Variants in CKAP5 observed in about 807,000 individuals in gnomAD.
The protein encoded by CKAP5 is cytoskeleton associated protein 5.
In CKAP5, 27 loss-of-function variants were observed where a neutral mutation model predicts 232.8. The observed-to-expected ratio is 0.12, with a 90% CI of 0.09 to 0.16. The LOEUF (loss-of-function observed/expected upper bound fraction) is 0.16, where lower values mean the gene tolerates loss of function less well. Among genes scored for constraint, CKAP5 ranks in the 10% least tolerant of loss-of-function variants. The pLI is 1.00. For missense variants in CKAP5, 1,838 were observed against 2,424.7 expected (o/e 0.76, Z 5.08); for synonymous variants, 785 against 841.1 (o/e 0.93, Z 1.16).
intron 24 of CKAP5, among the ~76,000 whole-genome samples, chr11:46,773,415 A>G (rs974965295): frequency 2.0e-5 from 3 of 151,236 alleles, no homozygotes; most frequent in Non-Finnish European, 4.4e-5. Context: ...TGCCCAGCTA[A>G]TTTTTCTATT....
chr11:46,832,534 C>G (rs1939815475), intron 1 of CKAP5, among the ~76,000 whole-genome samples: 1 of 152,136 alleles, frequency 6.6e-6, no homozygotes, highest in Non-Finnish European at 1.5e-5. Context: ...ACCAGCTGAT[C>G]CTCAGTTTTA....
intron 9 of CKAP5, 69 bp from the exon 10 acceptor site, chr11:46,798,241 C>G (rs1938926265): frequency 2.7e-6 from 3 of 1,094,490 alleles, no homozygotes. Flanking sequence ...TATCCTAGAA[C>G]ATGGCTGAAC....
chr11:46,788,762 T>C lies in CKAP5; in HGVS notation c.1887A>G (p.Leu629=). ...GGCATGGCATTTCAGTTCGGTCCAT[T>C]AGCTCAACAGCCTTGAAGTAAAATA... ...CMEEFQKAVE[L]MDRTEMPCQA... is the part of the protein sequence containing the mutation. Residue 629 remains leucine (L), a synonymous_variant, in exon 16 of 44, where the codon CTA becomes CTG. Coordinates refer to ENST00000529230, the MANE Select transcript of CKAP5 (RefSeq NM_001008938.4). The C allele has an allele frequency of 5.0e-6, 8 of 1,605,896 alleles. No individual in the cohort carries two copies. The highest frequency in any genetic ancestry group is 6.8e-6 in the Non-Finnish European group (8 of 1,176,196).
At chr11:46,843,482 G>C (rs930272262) in intron 1 of CKAP5, among the ~76,000 whole-genome samples, 4 of 152,030 alleles carry the variant, frequency 2.6e-5, no homozygotes, top group African/African-American at 9.7e-5. Context: ...TGTAATCCCA[G>C]CATTTTGGGA....
chr11:46,786,147 C>T (rs2065390732), intron 16 of CKAP5, among the ~76,000 whole-genome samples: 1 of 152,166 alleles, frequency 6.6e-6, no homozygotes, highest in Admixed American at 6.5e-5. Context: ...TCCAAATCAA[C>T]TTATCTCACA....
intron 1 of CKAP5, among the ~76,000 whole-genome samples, chr11:46,827,520 C>T (rs1355432407): frequency 1.3e-5 from 2 of 152,070 alleles, no homozygotes; most frequent in South Asian, 4.1e-4. Context: ...CCAGCTACTC[C>T]GGAGGCTGAG....
intron 20 of CKAP5, among the ~76,000 whole-genome samples, chr11:46,778,868 A>T (rs1198271250): frequency 2.0e-5 from 3 of 152,168 alleles, no homozygotes; most frequent in Admixed American, 6.5e-5. Context: ...TGAGGTCAGG[A>T]GTTCAAGACC....
At chr11:46,755,306 C>T (rs1016266389) in intron 35 of CKAP5, among the ~76,000 whole-genome samples, 7 of 152,060 alleles carry the variant, frequency 4.6e-5, no homozygotes, top group South Asian at 2.1e-4. Flanking sequence ...CTCCACCTTC[C>T]GGTTTCAAGT....
At chr11:46,805,106 G>A (rs535081111) in intron 8 of CKAP5, among the ~76,000 whole-genome samples, 12 of 151,522 alleles carry the variant, frequency 7.9e-5, no homozygotes, top group East Asian at 3.9e-4. Context: ...ATGGTGGCAC[G>A]CGCCTGTAAT....
intron 8 of CKAP5, among the ~76,000 whole-genome samples, chr11:46,806,965 G>A (rs1939169670): frequency 1.3e-5 from 2 of 151,944 alleles, no homozygotes; most frequent in African/African-American, 4.8e-5. Flanking sequence ...GTTTTTTGTT[G>A]GTGCTCTTGT....
At chr11:46,745,334 TTAATG>T (rs1197645226) in intron 42 of CKAP5, among the ~76,000 whole-genome samples, 1 of 152,100 alleles carries the variant, frequency 6.6e-6, no homozygotes, top group Non-Finnish European at 1.5e-5. Flanking sequence ...AAGGACTCCT[TTAATG>T]TAAAGATGAG....
chr11:46,762,910 A>G, intron 30 of CKAP5, 66 bp downstream of exon 30: 1 of 1,492,020 alleles, frequency 6.7e-7, no homozygotes, highest in Non-Finnish European at 9.3e-7. Flanking sequence ...GAGAGGAAAT[A>G]AAAGTACAGA....
chr11:46,818,012 T>C (rs1939442822), intron 3 of CKAP5, among the ~76,000 whole-genome samples: 1 of 152,198 alleles, frequency 6.6e-6, no homozygotes, highest in African/African-American at 2.4e-5. Flanking sequence ...CTAAAGACTC[T>C]TCCTTTTAGT....
intron 26 of CKAP5, among the ~76,000 whole-genome samples, chr11:46,769,279 TA>T (rs1456704399): frequency 6.6e-6 from 1 of 152,218 alleles, no homozygotes; most frequent in Non-Finnish European, 1.5e-5. Context: ...AGAAGGTTAA[TA>T]AAGTGGATTA....
chr11:46,819,872 C>G (rs974376850), intron 2 of CKAP5, among the ~76,000 whole-genome samples: 92 of 152,010 alleles, frequency 6.1e-4, no homozygotes, highest in African/African-American at 2.1e-3. Context: ...CAATTTAAAC[C>G]AGATTTATTT....
Position 46,834,519 on chromosome 11 carries a change from CAAAAAAAAAAAA to C in CKAP5, c.-38+11689_-38+11700del, listed in dbSNP as rs35792132. 1.7e-3 allele frequency among the ~76,000 whole-genome samples: 93 copies of C among 53,580 alleles called. 1 individual carries two copies. Among genetic ancestry groups the C allele is most frequent in the Admixed American group, 0.014 (77 of 5,600 alleles). The allele number at this position is 53,580 out of a possible 152,430, so 35.2% of individuals were successfully genotyped here. A position where few individuals can be genotyped will look rare whatever the true frequency, so the allele number is the denominator to read the frequency against. On this transcript the variant is annotated intron_variant, in intron 1 of 43. Coordinates refer to ENST00000529230, the MANE Select transcript of CKAP5 (RefSeq NM_001008938.4). ...GGGCAACAAGAGCAAAACTCCATCT[CAAAAAAAAAAAA>C]AAAAAAAAAAAGAGAAGCCTAAGTC...
intron 24 of CKAP5, among the ~76,000 whole-genome samples, chr11:46,773,250 CTAT>C (rs2065263055): frequency 6.7e-6 from 1 of 150,280 alleles, no homozygotes; most frequent in Admixed American, 6.6e-5. Context: ...TTTGAATGTT[CTAT>C]TTTTTTTTTT....
chr11:46,818,454 T>C lies in CKAP5; in HGVS notation c.107A>G (p.Gln36Arg). Residue 36 changes from glutamine (Q) to arginine (R), a missense_variant, in exon 3 of 44, where the codon CAG becomes CGG. Gln to Arg is a conservative substitution (Grantham distance 43). Coordinates refer to ENST00000529230, the MANE Select transcript of CKAP5 (RefSeq NM_001008938.4). The stretch of plus-strand genomic sequence containing the variant: ...TGGGCTCTTTTCATCCTTTATTTTC[T>C]GGAAGATCTTCAGGGCCTCTTCATA... Reference protein sequence around the residue: ...SGYEEALKIFQKIKDEKSPEW... With the variant: ...SGYEEALKIFRKIKDEKSPEW... 1.9e-6 allele frequency: 3 copies of C among 1,608,140 alleles called. No individual in the cohort carries two copies. The highest frequency in any genetic ancestry group is 2.5e-6 in the Non-Finnish European group (3 of 1,178,054).
intron 24 of CKAP5, among the ~76,000 whole-genome samples, chr11:46,772,876 G>C (rs978557361): frequency 6.6e-6 from 1 of 152,010 alleles, no homozygotes; most frequent in Non-Finnish European, 1.5e-5. Context: ...CGAGTAGCTG[G>C]GACTACAGGC....
Sources: gnomAD v4.1 joint callset for allele counts (sites outside exome capture counted in the v4.1 genomes callset) on GRCh38, gnomAD v4.1.1 for gene constraint, MANE v1.5 for transcripts, NCBI Gene and HGNC (gene_info 2026-07-23, HGNC 2026-07-21) for gene names.